The following PARP4 variants were observed in gnomAD, a reference collection of about 807,000 sequenced individuals.
PARP4 encodes poly(ADP-ribose) polymerase family member 4.
In PARP4, 120 loss-of-function variants were observed where a neutral mutation model predicts 187.7. The observed-to-expected ratio is 0.64, with a 90% CI of 0.55 to 0.74. The LOEUF is 0.74. Ranked by LOEUF, PARP4 falls within the 30% of genes least tolerant of loss-of-function variation. PARP4 has a pLI of 0.00. For missense variants in PARP4, 1,836 were observed against 2,070.5 expected (o/e 0.89, Z 2.20); for synonymous variants, 654 against 740.9 (o/e 0.88, Z 1.90).
At chr13:24,508,258 C>T (rs1332160344) in intron 1 of PARP4, among the ~76,000 whole-genome samples, 1 of 152,284 alleles carries the variant, frequency 6.6e-6, no homozygotes, top group East Asian at 1.9e-4. Context: ...AATTGCACCC[C>T]CACTTATGCT....
chr13:24,424,965 G>A (rs1414730628), intron 33 of PARP4, among the ~76,000 whole-genome samples: 1 of 151,988 alleles, frequency 6.6e-6, no homozygotes, highest in Admixed American at 6.5e-5. Flanking sequence ...TTACAGGCGT[G>A]AGCCACCGCG....
In PARP4 at chr13:24,506,951, C is replaced by T. The variant is rs571654960; in HGVS notation, c.-1-3174G>A. Among the ~76,000 whole-genome samples, 608 of 152,348 alleles carry T rather than the reference C, an allele frequency of 4.0e-3. 10 individuals carry two copies. The highest frequency in any genetic ancestry group is 0.014 in the African/African-American group (580 of 41,582). On this transcript the variant is annotated intron_variant, in intron 1 of 33. Transcript: ENST00000381989. ...GGGCTGCAGGTCCCGAGCCCTGCCC[C>T]GCGGGGAGGCAGCTAAGGCTCCACG... is the stretch of plus-strand genomic sequence containing the variant.
chr13:24,421,281 T>C lies in PARP4; in HGVS notation c.5013A>G (p.Gln1671=). The change falls in exon 34 of 34, where the codon CAA becomes CAG. Residue 1671 remains glutamine, a synonymous_variant. Transcript: ENST00000381989. The part of the protein sequence containing the change: ...NIPWAFEAIK[Q]ASEWVRRTEG... ...CAGTTCTTCTTACCCATTCACTTGC[T>C]TGCTTTATTGCCTCAAAAGCCCAGG... The C allele has an allele frequency of 7.5e-7, 1 of 1,329,700 alleles. No individual in the cohort carries two copies. 82.4% of individuals were successfully genotyped at this position (1,329,700 alleles called of 1,614,324 possible).
intron 12 of PARP4, 88 bp from the exon 13 acceptor site, chr13:24,478,364 T>C: frequency 1.3e-6 from 1 of 796,126 alleles, no homozygotes. Flanking sequence ...TGGTAAACTG[T>C]TCTAAATTTT....
chr13:24,469,928 T>C lies in PARP4; in HGVS notation c.2012A>G (p.Glu671Gly). The C allele has an allele frequency of 6.2e-7, 1 of 1,613,870 alleles. No individual in the cohort carries two copies. The highest frequency in any genetic ancestry group is 2.2e-5 in the East Asian group (1 of 44,886). The change falls in exon 16 of 34, where the codon GAA (glutamate) becomes GGA (glycine). Residue 671 changes from glutamate (E) to glycine (G), a missense_variant. By Grantham distance (98) the Glu-to-Gly change is moderately conservative. Coordinates refer to ENST00000381989, the MANE Select transcript of PARP4 (RefSeq NM_006437.4). ...TATGTGCTTCCCATTGATGAAGGCTTCGAAGCCACACACAGCGGCCTTGTC... is the reference window on the plus strand; with the variant it reads ...TATGTGCTTCCCATTGATGAAGGCTCCGAAGCCACACACAGCGGCCTTGTC... ...LDDKAAVCGF[E>G]AFINGKHIVG... is the part of the protein sequence containing the mutation.
At position 24,456,428 on chromosome 13, in the gene PARP4, G is replaced by C; in HGVS notation, c.2475C>G (p.Asp825Glu). 1 of 1,610,386 alleles carries C rather than the reference G, an allele frequency of 6.2e-7. No homozygotes were observed. Reference protein sequence around the residue: ...VISTMEGSSLDSSGFSLHIGL... With the variant: ...VISTMEGSSLESSGFSLHIGL... Reference sequence around the variant, plus strand: ...CGATGTGGAGAGAAAATCCACTGCTGTCTAAGGAGCTGCCTTCCATGGTGC... The same window carrying C: ...CGATGTGGAGAGAAAATCCACTGCTCTCTAAGGAGCTGCCTTCCATGGTGC... The change falls in exon 21 of 34, where the codon GAC becomes GAG. Residue 825 changes from aspartate to glutamate, a missense_variant. Asp to Glu is a conservative substitution (Grantham distance 45). This residue lies in a region of PARP4 where 1,147 missense variants were observed against 1,214.2 expected (regional missense o/e 0.94). Coordinates refer to ENST00000381989, the MANE Select transcript of PARP4 (RefSeq NM_006437.4).
At chr13:24,459,234 A>C (rs778262964) in intron 19 of PARP4, 30 bp downstream of exon 19, 1 of 1,588,912 alleles carries the variant, frequency 6.3e-7, no homozygotes, top group South Asian at 1.1e-5. Context: ...TATCCATTGA[A>C]TTGACAGGTT....
chr13:24,457,800 A>G (rs1457014942), intron 20 of PARP4, among the ~76,000 whole-genome samples: 1 of 150,942 alleles, frequency 6.6e-6, no homozygotes, highest in African/African-American at 2.4e-5. Flanking sequence ...AAAAAAAGAA[A>G]AAAGAAAAAA....
rs1336986627 is a variant in PARP4 at position 24,434,588 on chromosome 13, A to G, written c.4553T>C (p.Phe1518Ser). Residue 1518 changes from phenylalanine to serine, a missense_variant, in exon 31 of 34, where the codon TTT becomes TCT. Transcript: ENST00000381989. ...ATCACTTTCTGTGTCAGAACTTTGA[A>G]AAGCAAAGACAGGACATCGACTTCC... Reference protein sequence around the residue: ...LEGSRCPVFAFQSSDTESDEL... With the variant: ...LEGSRCPVFASQSSDTESDEL... 3.5e-5 allele frequency: 57 copies of G among 1,612,808 alleles called. No homozygotes were observed. Among genetic ancestry groups the G allele is most frequent in the Non-Finnish European group, 4.6e-5 (54 of 1,179,106 alleles).
At chr13:24,424,086 A>C (rs1000753657) in intron 33 of PARP4, among the ~76,000 whole-genome samples, 1 of 152,062 alleles carries the variant, frequency 6.6e-6, no homozygotes. Flanking sequence ...CAGCCTCCTA[A>C]AGTGCTTGGA....
chr13:24,495,816 G>A (rs1207500607), intron 6 of PARP4, among the ~76,000 whole-genome samples: 1 of 152,202 alleles, frequency 6.6e-6, no homozygotes, highest in East Asian at 1.9e-4. Flanking sequence ...ATTTAAGACG[G>A]TAGAGTTTAA....
At chr13:24,506,265 G>A (rs1321268196) in intron 1 of PARP4, among the ~76,000 whole-genome samples, 2 of 152,184 alleles carry the variant, frequency 1.3e-5, no homozygotes, top group South Asian at 2.1e-4. Flanking sequence ...CTACCGGTGG[G>A]TTCGTGGTGT....
intron 4 of PARP4, among the ~76,000 whole-genome samples, chr13:24,499,830 A>G (rs1869173278): frequency 6.6e-6 from 1 of 152,182 alleles, no homozygotes; most frequent in Non-Finnish European, 1.5e-5. Flanking sequence ...CTCTTTAAAC[A>G]CTATTATTAA....
chr13:24,447,600 A>G (rs1311729373), intron 25 of PARP4, among the ~76,000 whole-genome samples: 1 of 152,226 alleles, frequency 6.6e-6, no homozygotes, highest in Non-Finnish European at 1.5e-5. Context: ...ACCTCAGGTG[A>G]GCCATCTGCC....
Position 24,438,316 on chromosome 13 carries a change from T to A in PARP4, c.3667-2842A>T, listed in dbSNP as rs569695214. 9.2e-5 allele frequency among the ~76,000 whole-genome samples: 14 copies of A among 152,294 alleles called. No individual in the cohort carries two copies. The East Asian group carries it at 2.5e-3, about 27-fold the overall frequency. Reference sequence around the variant, plus strand: ...AACAGGTTCGGGGCTCCCATGAGAATCTACTGCCGCTGCTGACGTGACAGG... The same window carrying A: ...AACAGGTTCGGGGCTCCCATGAGAAACTACTGCCGCTGCTGACGTGACAGG... On this transcript the variant is annotated intron_variant, in intron 30 of 33. Coordinates refer to ENST00000381989, the MANE Select transcript of PARP4 (RefSeq NM_006437.4).
rs548952426 is a variant in PARP4 at position 24,457,510 on chromosome 13, G to A, written c.2425-1032C>T. On this transcript the variant is annotated intron_variant, in intron 20 of 33. Coordinates refer to ENST00000381989, the MANE Select transcript of PARP4 (RefSeq NM_006437.4). ...CCTCCACCACTATGTAGTGGCTCAC[G>A]CCTGTAATCCCAACACTTTGGGAGG... is the stretch of plus-strand genomic sequence containing the variant. 4.6e-5 allele frequency among the ~76,000 whole-genome samples: 7 copies of A among 152,242 alleles called. No individual in the cohort carries two copies. In the East Asian group the frequency reaches 5.8e-4, roughly 13 times the overall value.
intron 10 of PARP4, 106 bp from the exon 11 acceptor site, chr13:24,486,411 A>G: frequency 2.7e-6 from 2 of 736,738 alleles, no homozygotes; most frequent in Non-Finnish European, 4.6e-6. Context: ...CATTATCAGG[A>G]AACTGATTCA....
Position 24,434,297 on chromosome 13 carries a change from CTGA to C in PARP4, c.4746+95_4746+97del, listed in dbSNP as rs1327592326. The C allele has an allele frequency of 2.6e-6, 3 of 1,155,134 alleles. No individual in the cohort carries two copies. The East Asian group carries it at 7.2e-5, about 28-fold the overall frequency. The allele number at this position is 1,155,134 out of a possible 1,614,324, so 71.6% of individuals were successfully genotyped here. A position where few individuals can be genotyped will look rare whatever the true frequency, so the allele number is the denominator to read the frequency against. On this transcript the variant is annotated intron_variant, in intron 31 of 33. Transcript: ENST00000381989. ...GTACAACCCCTTCCTTCACTACAGA[CTGA>C]TGATAGACGGTTCCTTGACCAGCTG... is the stretch of plus-strand genomic sequence containing the variant.
chr13:24,485,879 T>C (rs1442111963), intron 11 of PARP4, among the ~76,000 whole-genome samples: 1 of 152,208 alleles, frequency 6.6e-6, no homozygotes, highest in African/African-American at 2.4e-5. Context: ...AGATAAGGTC[T>C]TGCTAGGTTT....
Sources: allele counts gnomAD v4.1 joint callset (sites outside exome capture counted in the v4.1 genomes callset), GRCh38; gene constraint gnomAD v4.1.1; regional missense constraint gnomAD v4.1.1; transcripts MANE v1.5; gene names NCBI Gene and HGNC (gene_info 2026-07-23, HGNC 2026-07-21).